EFCAB3: variants seen among roughly 807,000 people sequenced by gnomAD.
EFCAB3 encodes EF-hand calcium binding domain 3, also known as EF-hand calcium-binding domain-containing protein 3.
EFCAB3 carries 36 observed loss-of-function variants against 42.2 expected under a neutral mutation model. The ratio of observed to expected loss-of-function variants is 0.85; its 90% CI spans 0.65 to 1.13. The LOEUF (loss-of-function observed/expected upper bound fraction) is 1.13. Ranked by LOEUF, EFCAB3 falls within the 50% of genes most tolerant of loss-of-function variation. The probability of loss-of-function intolerance (pLI) is 0.00; values close to 1 mark genes in which losing one functional copy is unlikely to be tolerated. For synonymous variants in EFCAB3, 170 were observed against 172.8 expected, an observed-to-expected ratio of 0.98 and a Z score of 0.13; for missense variants, 418 against 505.1, an observed-to-expected ratio of 0.83 and a Z score of 1.65.
At chr17:62,370,247 C>A (rs1172598697) in exon 1 of EFCAB3, 8 of 1,546,284 alleles carry the variant, frequency 5.2e-6, no homozygotes, top group Non-Finnish European at 7.0e-6. Context: ...AGAACTTAGA[C>A]AATTTCTAGC....
chr17:62,405,265 A>G (rs1172689302), intron 6 of EFCAB3, among the ~76,000 whole-genome samples: 1 of 152,230 alleles, frequency 6.6e-6, no homozygotes, highest in African/African-American at 2.4e-5. Flanking sequence ...GGAAGAAAGT[A>G]TCTGATCATA....
chr17:62,372,713 T>A (rs1426372234), intron 1 of EFCAB3, among the ~76,000 whole-genome samples: 1 of 152,186 alleles, frequency 6.6e-6, no homozygotes, highest in Admixed American at 6.5e-5. Context: ...ATCCTGCCTC[T>A]AAAAAGGCAG....
chr17:62,404,577 A>C (rs1258349323), intron 6 of EFCAB3, among the ~76,000 whole-genome samples: 1 of 152,160 alleles, frequency 6.6e-6, no homozygotes, highest in Non-Finnish European at 1.5e-5. Context: ...CGGATGGATC[A>C]CTTGAGGTTG....
intron 6 of EFCAB3, chr17:62,398,056 C>A: frequency 3.4e-6 from 1 of 291,090 alleles, no homozygotes; most frequent in South Asian, 3.9e-5. Context: ...AGGTGATATT[C>A]CTGGAGTCTG....
At chr17:62,382,337 G>T (rs550681302) in intron 1 of EFCAB3, among the ~76,000 whole-genome samples, 32 of 151,174 alleles carry the variant, frequency 2.1e-4, no homozygotes, top group Non-Finnish European at 3.8e-4. Flanking sequence ...TGTACAACTT[G>T]ATAATTTGAT....
intron 6 of EFCAB3, among the ~76,000 whole-genome samples, chr17:62,395,546 A>G (rs1415922571): frequency 6.6e-6 from 1 of 152,158 alleles, no homozygotes; most frequent in Admixed American, 6.5e-5. Flanking sequence ...GGAATATAAG[A>G]CACTCTTGTT....
Position 62,413,617 on chromosome 17 carries a change from T to C in EFCAB3, c.868-115T>C, listed in dbSNP as rs530627324. On this transcript the variant is annotated intron_variant, in intron 8 of 9. Coordinates refer to ENST00000305286, the MANE Select transcript of EFCAB3 (RefSeq NM_173503.4). ...ACAAACAAATGGTTTGGCAATAACC[T>C]TATAAATTATATACAAATCCTTCTA... 888 of 1,021,904 alleles carry C rather than the reference T, an allele frequency of 8.7e-4. 11 individuals carry two copies. The East Asian group carries it at 0.017, about 20-fold the overall frequency. 63.3% of individuals were successfully genotyped at this position (1,021,904 alleles called of 1,614,324 possible). A position where few individuals can be genotyped will look rare whatever the true frequency, so the allele number is the denominator to read the frequency against.
chr17:62,407,219 T>C lies in EFCAB3; in HGVS notation c.867+7T>C. 6.4e-7 allele frequency: 1 copy of C among 1,566,860 alleles called. No individual in the cohort carries two copies. Among genetic ancestry groups the C allele is most frequent in the South Asian group, 1.2e-5 (1 of 82,612 alleles). On this transcript the variant is annotated splice_region_variant and intron_variant, in intron 8 of 9. Coordinates refer to ENST00000305286, the MANE Select transcript of EFCAB3 (RefSeq NM_173503.4). ...AAGAGACTGGAAAACACAGGTGAGA[T>C]TTAGATTATGTCACATTAGTTAAAT...
At position 62,380,570 on chromosome 17, in the gene EFCAB3, C is replaced by G; in HGVS notation, c.-61C>G. The G allele has an allele frequency of 1.0e-6, 1 of 985,412 alleles. No homozygotes were observed. The highest frequency in any genetic ancestry group is 1.1e-4 in the East Asian group (1 of 8,818). The allele number at this position is 985,412 out of a possible 1,614,324, so 61.0% of individuals were successfully genotyped here. A position where few individuals can be genotyped will look rare whatever the true frequency, so the allele number is the denominator to read the frequency against. ...ACAAACCCTTTATTGGATTCCTGAT[C>G]TGATTGAAGCCCAGAAGTGGTAGGT... On this transcript the variant is annotated 5_prime_UTR_variant, in exon 1 of 10. It adds an upstream start codon to the 5' untranslated region. Transcript: ENST00000305286.
At chr17:62,412,482 G>T (rs547710177) in intron 8 of EFCAB3, among the ~76,000 whole-genome samples, 1 of 150,548 alleles carries the variant, frequency 6.6e-6, no homozygotes, top group South Asian at 2.1e-4. Context: ...TGTTGTTGTT[G>T]AGACAGGGTC....
chr17:62,414,983 A>C (rs1160095623), intron 9 of EFCAB3, among the ~76,000 whole-genome samples: 1 of 152,080 alleles, frequency 6.6e-6, no homozygotes, highest in Non-Finnish European at 1.5e-5. Flanking sequence ...GGGCGCCTGT[A>C]ATCCCAGCTA....
chr17:62,408,914 C>G (rs1433550591), intron 8 of EFCAB3, among the ~76,000 whole-genome samples: 1 of 152,192 alleles, frequency 6.6e-6, no homozygotes, highest in Non-Finnish European at 1.5e-5. Context: ...TCTCCCCTCA[C>G]CTCTTTTAGG....
At chr17:62,389,909 C>T (rs2070288332) in intron 3 of EFCAB3, among the ~76,000 whole-genome samples, 1 of 152,128 alleles carries the variant, frequency 6.6e-6, no homozygotes, top group Admixed American at 6.6e-5. Flanking sequence ...GCCTCAGCCT[C>T]TTGAGTAGCT....
chr17:62,389,299 T>C (rs1374595348), intron 3 of EFCAB3, among the ~76,000 whole-genome samples: 1 of 152,130 alleles, frequency 6.6e-6, no homozygotes, highest in Non-Finnish European at 1.5e-5. Context: ...TGGTTGAGGA[T>C]ATGGTCTCTG....
chr17:62,412,090 T>G (rs2070502871), intron 8 of EFCAB3, among the ~76,000 whole-genome samples: 1 of 151,950 alleles, frequency 6.6e-6, no homozygotes, highest in Non-Finnish European at 1.5e-5. Context: ...AAAAACACTT[T>G]CAAGGCCGGG....
At chr17:62,386,808 A>G (rs1331435011) in intron 2 of EFCAB3, among the ~76,000 whole-genome samples, 1 of 150,404 alleles carries the variant, frequency 6.6e-6, no homozygotes, top group East Asian at 2.0e-4. Context: ...TTTTTTTTTG[A>G]GATAGGGTCT....
intron 8 of EFCAB3, among the ~76,000 whole-genome samples, chr17:62,413,217 G>A (rs1233879164): frequency 6.6e-6 from 1 of 152,018 alleles, no homozygotes; most frequent in Non-Finnish European, 1.5e-5. Flanking sequence ...TAACTTCAAA[G>A]AACTTCAAAT....
chr17:62,415,681 C>T (rs2070540621), intron 9 of EFCAB3, among the ~76,000 whole-genome samples: 1 of 152,142 alleles, frequency 6.6e-6, no homozygotes, highest in African/African-American at 2.4e-5. Context: ...TCAGTTCTCC[C>T]TATCCTAGGC....
chr17:62,402,301 C>A lies in EFCAB3; in HGVS notation c.489-4179C>A, dbSNP rs188903482. Among the ~76,000 whole-genome samples, 38 of 152,220 alleles carry A rather than the reference C, an allele frequency of 2.5e-4. 2 individuals are homozygous for A. In the East Asian group the frequency reaches 7.0e-3, roughly 28 times the overall value. Reference sequence around the variant, plus strand: ...TTTATTTCCTTCTCCTGCCTGATTGCCCTGGCCAGAACTTCCAACACTATG... The same window carrying A: ...TTTATTTCCTTCTCCTGCCTGATTGACCTGGCCAGAACTTCCAACACTATG... On this transcript the variant is annotated intron_variant, in intron 6 of 9. Transcript: ENST00000305286.
Sources: gnomAD v4.1 joint callset for allele counts (sites outside exome capture counted in the v4.1 genomes callset) on GRCh38, gnomAD v4.1.1 for gene constraint, MANE v1.5 for transcripts, NCBI Gene and HGNC (gene_info 2026-07-23, HGNC 2026-07-21) for gene names.